Variants in LRMDA observed in about 807,000 individuals in gnomAD.
The protein encoded by LRMDA is leucine-rich melanocyte differentiation-associated protein.
Under a neutral mutation model 29.8 loss-of-function variants are expected in LRMDA, and 18 were observed. The ratio of observed to expected loss-of-function variants is 0.60; its 90% CI spans 0.42 to 0.90. The LOEUF (loss-of-function observed/expected upper bound fraction) is 0.90, where lower values mean the gene tolerates loss of function less well. LRMDA is among the 40% of genes least tolerant of loss of function. The probability of loss-of-function intolerance (pLI) is 0.00; values close to 1 mark genes in which losing one functional copy is unlikely to be tolerated. For synonymous variants in LRMDA, 125 were observed against 109.4 expected (o/e 1.14, Z -0.89); for missense variants, 273 against 273.9 (o/e 1.00, Z 0.02).
chr10:76,179,607 C>G (rs1005286583), intron 5 of LRMDA, among the ~76,000 whole-genome samples: 1 of 152,186 alleles, frequency 6.6e-6, no homozygotes, highest in Admixed American at 6.5e-5. Flanking sequence ...CATCCTCAAA[C>G]ATTTGAACCG....
At chr10:76,533,141 G>A (rs1165782067) in intron 6 of LRMDA, among the ~76,000 whole-genome samples, 6 of 130,190 alleles carry the variant, frequency 4.6e-5, no homozygotes, top group African/African-American at 7.6e-5. Context: ...GATGGAGAGC[G>A]AGAGCGAGAG....
intron 2 of LRMDA, among the ~76,000 whole-genome samples, chr10:75,607,837 T>G (rs1409141415): frequency 7.3e-5 from 11 of 149,682 alleles, no homozygotes; most frequent in African/African-American, 2.7e-4. Flanking sequence ...TTTTTTTTTT[T>G]TTTTTTTTTT....
chr10:76,167,863 A>G (rs1249357414), intron 5 of LRMDA, among the ~76,000 whole-genome samples: 1 of 151,892 alleles, frequency 6.6e-6, no homozygotes, highest in Non-Finnish European at 1.5e-5. Context: ...CATTTTCATG[A>G]TATTGATTTT....
At chr10:75,521,617 G>A (rs1220588320) in intron 2 of LRMDA, among the ~76,000 whole-genome samples, 1 of 152,152 alleles carries the variant, frequency 6.6e-6, no homozygotes, top group Admixed American at 6.5e-5. Context: ...AGTCTCTAAT[G>A]GCTTCCCTTG....
At chr10:75,605,210 T>C (rs1454182520) in intron 2 of LRMDA, among the ~76,000 whole-genome samples, 2 of 152,192 alleles carry the variant, frequency 1.3e-5, no homozygotes, top group African/African-American at 4.8e-5. Flanking sequence ...TAAATCAATT[T>C]CTCCAAGTTT....
At chr10:76,365,987 T>C (rs1841387766) in intron 6 of LRMDA, among the ~76,000 whole-genome samples, 1 of 152,206 alleles carries the variant, frequency 6.6e-6, no homozygotes, top group Non-Finnish European at 1.5e-5. Flanking sequence ...GCACCATTTG[T>C]TGAAAAGGGT....
intron 2 of LRMDA, among the ~76,000 whole-genome samples, chr10:75,650,258 A>G (rs73278998): frequency 0.036 from 5,493 of 152,192 alleles, 232 homozygotes; most frequent in African/African-American, 0.11. Context: ...TCATTCTTAA[A>G]TGCTCAGTTA....
chr10:76,379,103 C>T (rs1841558149), intron 6 of LRMDA, among the ~76,000 whole-genome samples: 1 of 151,782 alleles, frequency 6.6e-6, no homozygotes, highest in East Asian at 1.9e-4. Flanking sequence ...GTGATCCACC[C>T]ACCTCGGCCT....
chr10:75,969,479 A>T (rs1475442874), intron 2 of LRMDA, among the ~76,000 whole-genome samples: 1 of 152,236 alleles, frequency 6.6e-6, no homozygotes, highest in African/African-American at 2.4e-5. Flanking sequence ...CCCCACTGGC[A>T]TGTACACCTG....
chr10:75,836,785 A>G (rs1422986785), intron 2 of LRMDA, among the ~76,000 whole-genome samples: 1 of 152,124 alleles, frequency 6.6e-6, no homozygotes, highest in African/African-American at 2.4e-5. Context: ...CTCTCTCCGA[A>G]TGATCTTTTC....
At chr10:75,490,717 C>A (rs1056966155) in intron 2 of LRMDA, among the ~76,000 whole-genome samples, 1 of 152,066 alleles carries the variant, frequency 6.6e-6, no homozygotes, top group Non-Finnish European at 1.5e-5. Flanking sequence ...GCCTGCTGAT[C>A]CAATGTTTTT....
intron 5 of LRMDA, among the ~76,000 whole-genome samples, chr10:76,061,441 G>A (rs1440302494): frequency 6.6e-6 from 1 of 152,136 alleles, no homozygotes; most frequent in Non-Finnish European, 1.5e-5. Flanking sequence ...ACCTGGGTAT[G>A]AAATAATCTC....
In LRMDA at chr10:75,790,738, A is replaced by C. The variant is rs573828052; in HGVS notation, c.132-245270A>C. ...GAGAACGTGAACCAGTCTATTCCCC[A>C]GTGGAGGGCTGTTGATAAACAAAGA... On this transcript the variant is annotated intron_variant, in intron 2 of 6. Coordinates refer to ENST00000611255, the MANE Select transcript of LRMDA (RefSeq NM_001305581.2). Among the ~76,000 whole-genome samples, 6 of 152,302 alleles carry C rather than the reference A, an allele frequency of 3.9e-5. No homozygotes were observed. The East Asian group carries it at 1.2e-3, about 29-fold the overall frequency.
chr10:76,510,978 A>G (rs1329893811), intron 6 of LRMDA, among the ~76,000 whole-genome samples: 1 of 152,226 alleles, frequency 6.6e-6, no homozygotes, highest in Non-Finnish European at 1.5e-5. Context: ...AATAAAAATG[A>G]AACTACACTT....
chr10:75,511,008 C>G (rs899662857), intron 2 of LRMDA, among the ~76,000 whole-genome samples: 1 of 152,126 alleles, frequency 6.6e-6, no homozygotes, highest in African/African-American at 2.4e-5. Flanking sequence ...ACACTGGCAC[C>G]TACTGTATTG....
intron 5 of LRMDA, among the ~76,000 whole-genome samples, chr10:76,241,638 C>T (rs973198315): frequency 2.0e-5 from 3 of 152,194 alleles, no homozygotes; most frequent in Non-Finnish European, 4.4e-5. Context: ...TGAGGGTCCC[C>T]TGCAGGCACA....
chr10:76,117,838 T>C (rs566884123), intron 5 of LRMDA, among the ~76,000 whole-genome samples: 1 of 152,274 alleles, frequency 6.6e-6, no homozygotes, highest in Admixed American at 6.5e-5. Context: ...GTGGTGGTGG[T>C]GAAGTGGTGA....
chr10:75,868,736 A>G (rs1589234765), intron 2 of LRMDA, among the ~76,000 whole-genome samples: 2 of 152,260 alleles, frequency 1.3e-5, no homozygotes, highest in South Asian at 4.1e-4. Flanking sequence ...AAGGGATCAC[A>G]TGCAGTTTGT....
At chr10:76,412,735 C>G (rs764633240) in intron 6 of LRMDA, among the ~76,000 whole-genome samples, 15 of 152,114 alleles carry the variant, frequency 9.9e-5, no homozygotes, top group Non-Finnish European at 1.8e-4. Flanking sequence ...TTCTGTGATG[C>G]CCCTATGCCC....
Sources: gnomAD v4.1 joint callset for allele counts (sites outside exome capture counted in the v4.1 genomes callset) on GRCh38, gnomAD v4.1.1 for gene constraint, MANE v1.5 for transcripts, NCBI Gene and HGNC (gene_info 2026-07-23, HGNC 2026-07-21) for gene names.